SUMF1: variants seen among roughly 807,000 people sequenced by gnomAD.
The protein encoded by SUMF1 is formylglycine-generating enzyme.
Under a neutral mutation model 47.6 loss-of-function variants are expected in SUMF1, and 48 were observed. The ratio of observed to expected loss-of-function variants is 1.01; its 90% CI spans 0.80 to 1.28. The LOEUF (loss-of-function observed/expected upper bound fraction) is 1.28, where lower values mean the gene tolerates loss of function less well. Among genes scored for constraint, SUMF1 ranks in the 50% most tolerant of loss-of-function variants. The probability of loss-of-function intolerance (pLI) is 0.00; values close to 1 mark genes in which losing one functional copy is unlikely to be tolerated. For missense variants in SUMF1, 571 were observed against 485.4 expected (o/e 1.18, Z -1.66); for synonymous variants, 230 against 192.1 (o/e 1.20, Z -1.63).
intron 8 of SUMF1, among the ~76,000 whole-genome samples, chr3:4,161,374 C>A (rs1574938703): frequency 6.6e-6 from 1 of 152,258 alleles, no homozygotes; most frequent in East Asian, 1.9e-4. Context: ...AGGCTTGTGT[C>A]CTTCCTTTCA....
chr3:4,150,553 A>G (rs1280333925), intron 8 of SUMF1, among the ~76,000 whole-genome samples: 1 of 150,504 alleles, frequency 6.6e-6, no homozygotes, highest in Non-Finnish European at 1.5e-5. Context: ...CCGTCTCAAA[A>G]AAAAAAAAAT....
At chr3:4,077,872 A>G (rs1692474445) in intron 8 of SUMF1, among the ~76,000 whole-genome samples, 1 of 152,144 alleles carries the variant, frequency 6.6e-6, no homozygotes, top group African/African-American at 2.4e-5. Flanking sequence ...TTAAATTTAA[A>G]TTTTTATTTA....
intron 7 of SUMF1, among the ~76,000 whole-genome samples, chr3:4,398,957 A>C (rs1701122033): frequency 2.0e-5 from 3 of 152,220 alleles, no homozygotes; most frequent in Admixed American, 6.5e-5. Context: ...AAGATCTGGG[A>C]TTTAATCTTG....
intron 7 of SUMF1, among the ~76,000 whole-genome samples, chr3:4,398,088 T>C (rs1207126777): frequency 2.0e-5 from 3 of 152,116 alleles, no homozygotes; most frequent in Non-Finnish European, 2.9e-5. Flanking sequence ...ATGACTTAAA[T>C]CCAGGTCCCA....
intron 8 of SUMF1, among the ~76,000 whole-genome samples, chr3:4,272,122 T>C (rs1435546581): frequency 6.6e-6 from 1 of 152,228 alleles, no homozygotes; most frequent in Non-Finnish European, 1.5e-5. Context: ...TTCTTGATTC[T>C]TGCCAGTAGG....
intron 8 of SUMF1, among the ~76,000 whole-genome samples, chr3:4,269,923 A>G (rs952642992): frequency 6.6e-6 from 1 of 152,150 alleles, no homozygotes; most frequent in African/African-American, 2.4e-5. Flanking sequence ...TACAAGAGGG[A>G]ACTTTTTGAA....
intron 8 of SUMF1, among the ~76,000 whole-genome samples, chr3:4,121,300 C>G (rs1392949450): frequency 1.3e-5 from 2 of 152,118 alleles, no homozygotes; most frequent in Non-Finnish European, 2.9e-5. Flanking sequence ...TCTCCAAGGT[C>G]AAATAACTAA....
rs529059188 is a variant in SUMF1, at chr3:4,161,044, G to C, written c.1015-92299C>G. 2.6e-5 allele frequency among the ~76,000 whole-genome samples: 4 copies of C among 152,232 alleles called. 1 individual carries two copies. The South Asian group carries it at 8.3e-4, about 32-fold the overall frequency. On this transcript the variant is annotated intron_variant and NMD_transcript_variant, in intron 8 of 12. Coordinates refer to the SUMF1 transcript ENST00000448413. ...AGTCATTGCAGCTGTATCTGCTTCAGGGAACACCCCAAGCCCAGTAATGCT... is the reference window on the plus strand; with the variant it reads ...AGTCATTGCAGCTGTATCTGCTTCACGGAACACCCCAAGCCCAGTAATGCT...
At chr3:4,190,832 G>T (rs1011547895) in intron 8 of SUMF1, among the ~76,000 whole-genome samples, 2 of 152,100 alleles carry the variant, frequency 1.3e-5, no homozygotes, top group Non-Finnish European at 2.9e-5. Context: ...CCACAGATGG[G>T]TATTCATTCA....
At chr3:4,105,745 G>A (rs1287826178) in intron 8 of SUMF1, among the ~76,000 whole-genome samples, 1 of 152,024 alleles carries the variant, frequency 6.6e-6, no homozygotes, top group Non-Finnish European at 1.5e-5. Context: ...AGTCTACACT[G>A]CTCCTACTAG....
At chr3:4,374,345 G>C (rs1434527264) in intron 8 of SUMF1, among the ~76,000 whole-genome samples, 1 of 152,154 alleles carries the variant, frequency 6.6e-6, no homozygotes, top group Non-Finnish European at 1.5e-5. Flanking sequence ...CAAGACTCAA[G>C]ATGAACATAA....
chr3:4,053,117 T>A (rs1471935736), intron 9 of SUMF1, among the ~76,000 whole-genome samples: 1 of 152,136 alleles, frequency 6.6e-6, no homozygotes, highest in Non-Finnish European at 1.5e-5. Context: ...TCCTTTCACT[T>A]GAACAGTTAG....
chr3:4,266,610 T>C (rs1376187481), intron 8 of SUMF1, among the ~76,000 whole-genome samples: 1 of 151,998 alleles, frequency 6.6e-6, no homozygotes, highest in Non-Finnish European at 1.5e-5. Context: ...CTTATCAGCT[T>C]AAGGAGATTT....
chr3:4,226,097 G>C (rs1447764041), intron 8 of SUMF1, among the ~76,000 whole-genome samples: 1 of 151,888 alleles, frequency 6.6e-6, no homozygotes, highest in Non-Finnish European at 1.5e-5. Flanking sequence ...AAATACATAG[G>C]ATCTACCCGC....
chr3:4,388,059 G>A (rs541742142), intron 7 of SUMF1, among the ~76,000 whole-genome samples: 1 of 152,216 alleles, frequency 6.6e-6, no homozygotes, highest in Non-Finnish European at 1.5e-5. Context: ...AGGGTAGACA[G>A]TGCTAGAAAT....
intron 8 of SUMF1, among the ~76,000 whole-genome samples, chr3:4,182,887 G>A (rs937554420): frequency 1.4e-4 from 21 of 152,126 alleles, no homozygotes; most frequent in African/African-American, 3.9e-4. Context: ...TGGGGAAAGA[G>A]GGTAAGTTGG....
intron 8 of SUMF1, among the ~76,000 whole-genome samples, chr3:4,168,313 A>T (rs1272205916): frequency 6.6e-6 from 1 of 152,118 alleles, no homozygotes. Flanking sequence ...TTGTGTCTCT[A>T]CCCTGCCTAA....
intron 8 of SUMF1, among the ~76,000 whole-genome samples, chr3:4,372,699 G>C (rs886303959): frequency 1.4e-4 from 21 of 152,164 alleles, no homozygotes; most frequent in African/African-American, 4.6e-4. Context: ...CTGAGGCTTA[G>C]AAAGATTAAG....
chr3:4,234,717 C>T lies in SUMF1; in HGVS notation c.1014+141613G>A, dbSNP rs141252685. 1.4e-3 allele frequency among the ~76,000 whole-genome samples: 209 copies of T among 152,160 alleles called. 2 individuals are homozygous for T. The highest frequency in any genetic ancestry group is 4.8e-3 in the African/African-American group (200 of 41,542). On this transcript the variant is annotated intron_variant and NMD_transcript_variant, in intron 8 of 12. Coordinates refer to the SUMF1 transcript ENST00000448413. ...AGTATTTGGGGAGAAGGGAATATCT[C>T]AGCCAACTTCAGATGCAGAAGATGA... is the stretch of plus-strand genomic sequence containing the variant.
Sources: allele counts gnomAD v4.1 joint callset (sites outside exome capture counted in the v4.1 genomes callset), GRCh38; gene constraint gnomAD v4.1.1; transcripts MANE v1.5; gene names NCBI Gene and HGNC (gene_info 2026-07-23, HGNC 2026-07-21).